GPLD1: variants seen among roughly 807,000 people sequenced by gnomAD.
GPLD1 encodes phosphatidylinositol-glycan-specific phospholipase D.
Under a neutral mutation model 112.6 loss-of-function variants are expected in GPLD1, and 84 were observed. That is an observed-to-expected ratio of 0.75 (90% CI 0.63 to 0.89). The LOEUF (loss-of-function observed/expected upper bound fraction) is 0.89. Among genes scored for constraint, GPLD1 ranks in the 40% least tolerant of loss-of-function variants. The pLI, the probability that GPLD1 is intolerant of heterozygous loss-of-function variation, is 0.00. For synonymous variants in GPLD1, 386 were observed against 403.8 expected (o/e 0.96, Z 0.53); for missense variants, 1,044 against 1,051.5 (o/e 0.99, Z 0.10).
intron 10 of GPLD1, 77 bp downstream of exon 10, chr6:24,466,603 A>G: frequency 5.7e-6 from 7 of 1,229,638 alleles, no homozygotes; most frequent in Non-Finnish European, 5.9e-6. Flanking sequence ...GATCAGTTGA[A>G]AAACCTGAGA....
chr6:24,455,805 G>A (rs910678588), intron 13 of GPLD1, among the ~76,000 whole-genome samples: 3 of 152,142 alleles, frequency 2.0e-5, no homozygotes, highest in East Asian at 1.9e-4. Context: ...TTAGTAAACC[G>A]AAAGTTCCTT....
chr6:24,476,115 G>A (rs916293146), intron 4 of GPLD1, 66 bp downstream of exon 4: 20 of 831,794 alleles, frequency 2.4e-5, no homozygotes, highest in South Asian at 5.8e-5. Flanking sequence ...GGGTCAATGC[G>A]GGTGCAAACA....
rs765059399 is a variant in GPLD1, at chr6:24,436,737, C to A, written c.2198-1G>T. The A allele has an allele frequency of 1.1e-5, 17 of 1,611,854 alleles. No homozygotes were observed. Among genetic ancestry groups the A allele is most frequent in the Non-Finnish European group, 1.4e-5 (16 of 1,179,518 alleles). ...AGGGGGGCTGCCATGATGATTTCAT[C>A]TGAAAACAATAAAAACCGACAGAAG... On this transcript the variant is annotated splice_acceptor_variant, in intron 21 of 24. Coordinates refer to ENST00000230036, the MANE Select transcript of GPLD1 (RefSeq NM_001503.4). LOFTEE classifies it high-confidence loss of function.
rs941185593 is a variant in GPLD1 at position 24,479,801 on chromosome 6, T to C, written c.232+80A>G. On this transcript the variant is annotated intron_variant, in intron 3 of 24. Coordinates refer to ENST00000230036, the MANE Select transcript of GPLD1 (RefSeq NM_001503.4). ...ATTAAAAATATATTGTACACACATA[T>C]ATATATATTTTTAAAGTCATAGCTA... 64 of 773,550 alleles carry C rather than the reference T, an allele frequency of 8.3e-5. 1 individual carries two copies. Among genetic ancestry groups the C allele is most frequent in the South Asian group, 5.4e-4 (38 of 70,354 alleles). The allele number at this position is 773,550 out of a possible 1,614,324, so 47.9% of individuals were successfully genotyped here.
chr6:24,445,542 C>T lies in GPLD1; in HGVS notation c.2020+4G>A. ...GAAGCACAGTTTCACAGTGTGTGAC[C>T]TACCGTACGTAGGGGCTCCAACCAG... On this transcript the variant is annotated splice_donor_region_variant and intron_variant, in intron 20 of 24. Transcript: ENST00000230036. 2 of 1,603,354 alleles carry T rather than the reference C, an allele frequency of 1.2e-6. No homozygotes were observed. The highest frequency in any genetic ancestry group is 1.7e-6 in the Non-Finnish European group (2 of 1,170,288).
At chr6:24,490,760 AAAAAG>A (rs965528814), upstream of GPLD1, among the ~76,000 whole-genome samples, 5 of 152,066 alleles carry the variant, frequency 3.3e-5, no homozygotes, top group African/African-American at 7.2e-5. Context: ...TCAAAAAAAA[AAAAAG>A]AAAAGAAAAA....
Position 24,495,084 on chromosome 6 carries a change from G to A in GPLD1, n.122C>T, listed in dbSNP as rs1171926592. On this transcript the variant is annotated non_coding_transcript_exon_variant, in exon 1 of 11. Transcript: ENST00000474784. ...CTGCCGCCTCCGCCCCCGCGCCGGC[G>A]GCCTGGTCCCTGCCTCCGGGCCTGC... is the stretch of plus-strand genomic sequence containing the variant. The A allele has an allele frequency of 6.8e-6, 9 of 1,320,420 alleles. No homozygotes were observed. Among genetic ancestry groups the A allele is most frequent in the African/African-American group, 1.5e-5 (1 of 65,690 alleles). 81.8% of individuals were successfully genotyped at this position (1,320,420 alleles called of 1,614,324 possible).
At chr6:24,437,839 T>C (rs115278368) in intron 20 of GPLD1, among the ~76,000 whole-genome samples, 3 of 152,222 alleles carry the variant, frequency 2.0e-5, no homozygotes, top group African/African-American at 7.2e-5. Flanking sequence ...TGGCTACTCC[T>C]GTCACCCTGC....
intron 1 of GPLD1, chr6:24,494,906 C>G (rs1348731326): frequency 3.3e-6 from 4 of 1,218,814 alleles, no homozygotes; most frequent in Non-Finnish European, 3.1e-6. Context: ...GTCCCCGGCG[C>G]CTCCTCGCTC....
In GPLD1 at chr6:24,428,210, A is replaced by G. The variant is rs977394319; in HGVS notation, c.*822T>C. On this transcript the variant is annotated 3_prime_UTR_variant, in exon 25 of 25. Coordinates refer to ENST00000230036, the MANE Select transcript of GPLD1 (RefSeq NM_001503.4). ...TGCTTTCTATTATACTTTGATTGGC[A>G]TGGGCCAATCTGTTATTTTTAAGTT... is the stretch of plus-strand genomic sequence containing the variant. The G allele has an allele frequency of 1.5e-5, 2 of 137,616 alleles. No individual in the cohort carries two copies. Among genetic ancestry groups the G allele is most frequent in the Non-Finnish European group, 3.1e-5 (2 of 64,732 alleles). The allele number at this position is 137,616 out of a possible 1,614,324, so 8.5% of individuals were successfully genotyped here. A position where few individuals can be genotyped will look rare whatever the true frequency, so the allele number is the denominator to read the frequency against.
At chr6:24,472,212 G>C (rs143630559) in intron 7 of GPLD1, among the ~76,000 whole-genome samples, 28 of 152,308 alleles carry the variant, frequency 1.8e-4, no homozygotes, top group African/African-American at 6.3e-4. Flanking sequence ...TTAGCAATCT[G>C]GGAAATTCAA....
At chr6:24,490,828 A>G (rs1214742980), upstream of GPLD1, among the ~76,000 whole-genome samples, 2 of 152,098 alleles carry the variant, frequency 1.3e-5, no homozygotes, top group African/African-American at 4.8e-5. Context: ...TTCCCCTGTA[A>G]GCTTAACACA....
chr6:24,466,197 A>T (rs1374657446), intron 10 of GPLD1, among the ~76,000 whole-genome samples: 2 of 152,262 alleles, frequency 1.3e-5, no homozygotes, highest in Non-Finnish European at 2.9e-5. Context: ...ATACAAAAAA[A>T]TTAGCCAGGG....
rs189703807 is a variant in GPLD1, at chr6:24,455,184, C to T, written c.1149-983G>A. 4.0e-3 allele frequency among the ~76,000 whole-genome samples: 605 copies of T among 152,362 alleles called. 3 individuals carry two copies. Among genetic ancestry groups the T allele is most frequent in the Non-Finnish European group, 6.8e-3 (463 of 68,036 alleles). ...ACTCCAGTGGACCCATTGCTGTTCT[C>T]TGCACTTTGGAGGCTCAATGCTGGC... On this transcript the variant is annotated intron_variant, in intron 13 of 24. Coordinates refer to ENST00000230036, the MANE Select transcript of GPLD1 (RefSeq NM_001503.4).
At chr6:24,453,836 GAATAA>G (rs1763175826) in intron 14 of GPLD1, among the ~76,000 whole-genome samples, 174 bp downstream of exon 14, 3 of 152,080 alleles carry the variant, frequency 2.0e-5, no homozygotes, top group South Asian at 4.2e-4. Flanking sequence ...ACTAATGATA[GAATAA>G]AATAAATGAT....
upstream of GPLD1, among the ~76,000 whole-genome samples, chr6:24,493,781 C>T (rs543198351): frequency 2.9e-4 from 44 of 152,266 alleles, no homozygotes; most frequent in African/African-American, 1.0e-3. Context: ...GTTACTGCCT[C>T]GGCATTTTGC....
chr6:24,476,113 G>A, intron 4 of GPLD1, 68 bp downstream of exon 4: 1 of 822,772 alleles, frequency 1.2e-6, no homozygotes, highest in Non-Finnish European at 2.0e-6. Flanking sequence ...TGGGGTCAAT[G>A]CGGGTGCAAA....
intron 11 of GPLD1, among the ~76,000 whole-genome samples, chr6:24,460,735 A>G (rs568498349): frequency 1.5e-5 from 2 of 135,936 alleles, no homozygotes; most frequent in Admixed American, 1.6e-4. Flanking sequence ...TTGCAAGCAT[A>G]CTGATTTTTT....
chr6:24,492,889 T>C (rs1310233460), upstream of GPLD1, among the ~76,000 whole-genome samples: 1 of 152,192 alleles, frequency 6.6e-6, no homozygotes, highest in Admixed American at 6.5e-5. Flanking sequence ...AAACAATAAA[T>C]AGAAATCACA....
Sources: gnomAD v4.1 joint callset for allele counts (sites outside exome capture counted in the v4.1 genomes callset) on GRCh38, gnomAD v4.1.1 for gene constraint, MANE v1.5 for transcripts, NCBI Gene and HGNC (gene_info 2026-07-23, HGNC 2026-07-21) for gene names.